Variants in STAMBP observed in about 807,000 individuals in gnomAD.
STAMBP encodes the protein STAM-binding protein.
STAMBP carries 31 observed loss-of-function variants against 50.7 expected under a neutral mutation model. The ratio of observed to expected loss-of-function variants is 0.61; its 90% CI spans 0.46 to 0.83. STAMBP has a LOEUF of 0.83. Among genes scored for constraint, STAMBP ranks in the 40% least tolerant of loss-of-function variants. The pLI, the probability that STAMBP is intolerant of heterozygous loss-of-function variation, is 0.00. For synonymous variants in STAMBP, 211 were observed against 192.4 expected (o/e 1.10, Z -0.80); for missense variants, 472 against 518.9 (o/e 0.91, Z 0.88).
chr2:73,864,992 C>T lies in STAMBP; in HGVS notation c.*2733C>T, dbSNP rs11126419. 27,630 of 152,102 alleles carry T rather than the reference C, an allele frequency of 0.18. 4,006 individuals carry two copies. The highest frequency in any genetic ancestry group is 0.4 in the African/African-American group (16,584 of 41,442). The allele number at this position is 152,102 out of a possible 1,614,324, so 9.4% of individuals were successfully genotyped here. ...TAATATTGTCTTGGGTACCAGATACCATAAAAGGCAGCATGAGAGAAACAT... is the reference window on the plus strand; with the variant it reads ...TAATATTGTCTTGGGTACCAGATACTATAAAAGGCAGCATGAGAGAAACAT... On this transcript the variant is annotated 3_prime_UTR_variant, in exon 10 of 10. Coordinates refer to ENST00000394070, the MANE Select transcript of STAMBP (RefSeq NM_213622.4).
chr2:73,835,252 G>A (rs561412205), intron 2 of STAMBP, among the ~76,000 whole-genome samples: 19 of 151,828 alleles, frequency 1.3e-4, no homozygotes, highest in Non-Finnish European at 2.2e-4. Flanking sequence ...TACCCGAGAG[G>A]CTGAGGCAGG....
At chr2:73,835,178 A>AC (rs1674557666) in intron 2 of STAMBP, among the ~76,000 whole-genome samples, 1 of 152,046 alleles carries the variant, frequency 6.6e-6, no homozygotes, top group Admixed American at 6.5e-5. Context: ...ACATGGTGAT[A>AC]CCCCATCTCT....
intron 2 of STAMBP, among the ~76,000 whole-genome samples, chr2:73,842,344 T>C (rs1675507564): frequency 6.6e-6 from 1 of 152,198 alleles, no homozygotes; most frequent in South Asian, 2.1e-4. Flanking sequence ...GTCTGCACAT[T>C]AGGTGAACTG....
At chr2:73,849,925 G>T (rs1157766343) in intron 6 of STAMBP, among the ~76,000 whole-genome samples, 1 of 152,170 alleles carries the variant, frequency 6.6e-6, no homozygotes, top group African/African-American at 2.4e-5. Flanking sequence ...GGAAGGAAAG[G>T]TCACTGAATG....
chr2:73,860,202 A>G lies in STAMBP; in HGVS notation c.1218+51A>G, dbSNP rs13409194. 0.052 allele frequency: 77,271 copies of G among 1,475,088 alleles called. 2,322 individuals are homozygous for G. The highest frequency in any genetic ancestry group is 0.098 in the African/African-American group (6,978 of 71,374). 91.4% of individuals were successfully genotyped at this position (1,475,088 alleles called of 1,614,324 possible). ...GGGCTATGCTTCAAGCAGGGAGGAC[A>G]GTCAGAGCTGATGAAATGCATCATC... On this transcript the variant is annotated intron_variant, in intron 9 of 9. Coordinates refer to ENST00000394070, the MANE Select transcript of STAMBP (RefSeq NM_213622.4).
At chr2:73,830,088 G>C (rs1337496607) in intron 1 of STAMBP, among the ~76,000 whole-genome samples, 1 of 152,240 alleles carries the variant, frequency 6.6e-6, no homozygotes. Flanking sequence ...AGAAAGACTA[G>C]AATTACTGGA....
chr2:73,859,637 T>C (rs960811742), intron 8 of STAMBP, among the ~76,000 whole-genome samples: 1 of 151,024 alleles, frequency 6.6e-6, no homozygotes, highest in Non-Finnish European at 1.5e-5. Context: ...GATAGGAATG[T>C]CAAGAGTTTT....
intron 8 of STAMBP, 102 bp downstream of exon 8, chr2:73,859,468 T>G: frequency 1.1e-6 from 1 of 881,770 alleles, no homozygotes; most frequent in Non-Finnish European, 1.9e-6. Flanking sequence ...CTTTGTAAAA[T>G]ACATAGATTA....
In STAMBP at chr2:73,859,375, A is replaced by C. The variant is rs200767153; in HGVS notation, c.1118+9A>C. The C allele has an allele frequency of 3.0e-5, 48 of 1,608,776 alleles. No homozygotes were observed. In the Admixed American group the frequency reaches 5.3e-4, roughly 18 times the overall value. On this transcript the variant is annotated intron_variant, in intron 8 of 9. Transcript: ENST00000394070. ...TCCCCCAAGTTCCAGGAGTGAGTAT[A>C]GAGGGCATGGTTCTGGGTGTTTCAA...
chr2:73,849,452 G>A lies in STAMBP; in HGVS notation c.832G>A (p.Gly278Arg), dbSNP rs1233514058. ...GTTAGCCAGTGCCAACACTGCCCGG[G>A]GAGTGGAGACATGTGGAATTCTCTG... ...LQLASANTARGVETCGILCGK... is the reference protein window; with the variant it reads ...LQLASANTARRVETCGILCGK... Residue 278 changes from glycine to arginine, a missense_variant, in exon 6 of 10, where the codon GGA (glycine) becomes AGA (arginine). By Grantham distance (125) the Gly-to-Arg change is moderately radical. Transcript: ENST00000394070. 1 of 1,612,706 alleles carries A rather than the reference G, an allele frequency of 6.2e-7. No individual in the cohort carries two copies.
chr2:73,841,082 T>G (rs1675328267), intron 2 of STAMBP, among the ~76,000 whole-genome samples: 1 of 152,254 alleles, frequency 6.6e-6, no homozygotes. Flanking sequence ...TTTACTTTTC[T>G]GCTTATGTCT....
intron 2 of STAMBP, among the ~76,000 whole-genome samples, chr2:73,833,149 T>A (rs1674173727): frequency 1.3e-5 from 2 of 152,186 alleles, no homozygotes; most frequent in Non-Finnish European, 2.9e-5. Flanking sequence ...TTTGCCTTAT[T>A]TGGTCATGTT....
In STAMBP at chr2:73,847,386, G is replaced by A. The variant is rs746639799; in HGVS notation, c.376-1G>A. 2.5e-6 allele frequency: 4 copies of A among 1,592,836 alleles called. No homozygotes were observed. The highest frequency in any genetic ancestry group is 3.4e-6 in the Non-Finnish European group (4 of 1,168,596). Reference sequence around the variant, plus strand: ...TTAGCCTAAATTTTCTCTCTTTGTAGAAGAAGGAAGCAGAGGAATTGGCCC... The same window carrying A: ...TTAGCCTAAATTTTCTCTCTTTGTAAAAGAAGGAAGCAGAGGAATTGGCCC... On this transcript the variant is annotated splice_acceptor_variant, in intron 4 of 9. Coordinates refer to ENST00000394070, the MANE Select transcript of STAMBP (RefSeq NM_213622.4). LOFTEE classifies it high-confidence loss of function.
chr2:73,868,895 AAAGC>A (rs1231347150), downstream of STAMBP, among the ~76,000 whole-genome samples: 1 of 151,638 alleles, frequency 6.6e-6, no homozygotes, highest in Non-Finnish European at 1.5e-5. Context: ...AAAAAAAAAG[AAAGC>A]AAGAAGCTTC....
intron 2 of STAMBP, among the ~76,000 whole-genome samples, chr2:73,843,416 A>G (rs954857996): frequency 2.2e-5 from 3 of 138,960 alleles, no homozygotes; most frequent in African/African-American, 8.3e-5. Flanking sequence ...GTATATATAT[A>G]TATGTATATA....
chr2:73,849,523 C>T, intron 6 of STAMBP, 36 bp downstream of exon 6: 2 of 1,557,420 alleles, frequency 1.3e-6, no homozygotes, highest in Non-Finnish European at 1.7e-6. Context: ...CTTCTCTGAA[C>T]CGAAACTGTT....
rs770460678 is a variant in STAMBP at position 73,860,545 on chromosome 2, A to G, written c.1218+394A>G. The G allele has an allele frequency of 6.5e-5, 64 of 987,594 alleles. No individual in the cohort carries two copies. Among genetic ancestry groups the G allele is most frequent in the Non-Finnish European group, 7.1e-5 (59 of 831,390 alleles). 61.2% of individuals were successfully genotyped at this position (987,594 alleles called of 1,614,324 possible). A position where few individuals can be genotyped will look rare whatever the true frequency, so the allele number is the denominator to read the frequency against. On this transcript the variant is annotated intron_variant, in intron 9 of 9. Coordinates refer to ENST00000394070, the MANE Select transcript of STAMBP (RefSeq NM_213622.4). ...TGTCTCTTTCTAAGCCTGTACTTCA[A>G]TAAGAGATTTGAAGGCAAAGGAAAA...
intron 2 of STAMBP, among the ~76,000 whole-genome samples, chr2:73,833,379 G>T (rs1318240303): frequency 2.0e-5 from 3 of 152,140 alleles, no homozygotes; most frequent in Admixed American, 6.5e-5. Flanking sequence ...ATGTCATGTG[G>T]CCTCAATGTT....
intron 7 of STAMBP, among the ~76,000 whole-genome samples, chr2:73,854,930 A>G (rs1310371042): frequency 6.6e-6 from 1 of 152,176 alleles, no homozygotes; most frequent in Non-Finnish European, 1.5e-5. Context: ...TCAAAGCTGC[A>G]GTGAGCCGTG....
Sources: gnomAD v4.1 joint callset for allele counts (sites outside exome capture counted in the v4.1 genomes callset) on GRCh38, gnomAD v4.1.1 for gene constraint, MANE v1.5 for transcripts, NCBI Gene and HGNC (gene_info 2026-07-23, HGNC 2026-07-21) for gene names.